The following ANK2 variants were observed in gnomAD, a reference collection of about 807,000 sequenced individuals.
ANK2 encodes ankyrin-2.
A neutral mutation model predicts 360.5 loss-of-function variants in ANK2; 83 were observed. The observed-to-expected ratio is 0.23, with a 90% CI of 0.19 to 0.28. The LOEUF (loss-of-function observed/expected upper bound fraction) is 0.28. Ranked by LOEUF, ANK2 falls within the 10% of genes least tolerant of loss-of-function variation. ANK2 has a pLI of 1.00. For synonymous variants in ANK2, 1,740 were observed against 1,759.5 expected (o/e 0.99, Z 0.28); for missense variants, 4,201 against 4,795.7 (o/e 0.88, Z 3.66).
At chr4:112,804,047 C>G in the ANK2 span, among the ~76,000 whole-genome samples, 1 of 146,910 alleles carries the variant, frequency 6.8e-6, no homozygotes, top group Admixed American at 6.9e-5. Context: ...GAGATGGAGT[C>G]TCGCTCTGTC....
At chr4:112,904,491 C>A in exon 2 of ANK2, 1 of 1,506,422 alleles carries the variant, frequency 6.6e-7, no homozygotes, top group South Asian at 1.3e-5. Flanking sequence ...ATTGGTATTT[C>A]AAATGACCAC....
At chr4:112,839,472 A>G (rs2061651119) in intron 1 of ANK2, among the ~76,000 whole-genome samples, 1 of 152,184 alleles carries the variant, frequency 6.6e-6, no homozygotes, top group Non-Finnish European at 1.5e-5. Flanking sequence ...ATGTAAGGTT[A>G]TTATGAATAT....
At chr4:113,230,847 C>T (rs958270472) in intron 4 of ANK2, among the ~76,000 whole-genome samples, 4 of 152,106 alleles carry the variant, frequency 2.6e-5, no homozygotes, top group Admixed American at 2.0e-4. Flanking sequence ...TCCATTAGGG[C>T]GCATGTGTCT....
upstream of ANK2, among the ~76,000 whole-genome samples, chr4:112,815,088 C>T (rs546411307): frequency 1.3e-5 from 2 of 151,650 alleles, no homozygotes; most frequent in Non-Finnish European, 2.9e-5. Flanking sequence ...TGTTGGCTGG[C>T]CAGGCTGGTC....
chr4:113,187,499 A>G (rs1217796926), intron 2 of ANK2, among the ~76,000 whole-genome samples: 1 of 152,166 alleles, frequency 6.6e-6, no homozygotes. Context: ...TTTCTTATTA[A>G]CCAATTGTGT....
intron 1 of ANK2, among the ~76,000 whole-genome samples, chr4:113,070,945 T>C (rs1389923472): frequency 6.6e-6 from 1 of 151,776 alleles, no homozygotes; most frequent in East Asian, 1.9e-4. Flanking sequence ...CATCATAACA[T>C]CAAATCTTGA....
intron 1 of ANK2, among the ~76,000 whole-genome samples, chr4:113,125,391 T>C (rs2095604107): frequency 6.6e-6 from 1 of 152,132 alleles, no homozygotes; most frequent in African/African-American, 2.4e-5. Context: ...TTTCAAGACA[T>C]TCAGCAGGAT....
intron 23 of ANK2, among the ~76,000 whole-genome samples, chr4:113,308,266 A>G (rs549742317): frequency 2.0e-5 from 3 of 152,298 alleles, no homozygotes; most frequent in Non-Finnish European, 4.4e-5. Flanking sequence ...TAGTCGTGCT[A>G]TTTGCTCATG....
intron 1 of ANK2, among the ~76,000 whole-genome samples, chr4:113,058,040 T>C (rs2154331641): frequency 6.6e-6 from 1 of 152,264 alleles, no homozygotes; most frequent in South Asian, 2.1e-4. Flanking sequence ...CTCCTTTCCA[T>C]TTCCTGGTCT....
chr4:113,066,053 A>G (rs1369860669), intron 1 of ANK2, among the ~76,000 whole-genome samples: 2 of 152,266 alleles, frequency 1.3e-5, no homozygotes, highest in African/African-American at 4.8e-5. Flanking sequence ...TGAAATAAAA[A>G]TATTATGAGG....
chr4:112,764,494 C>T, the ANK2 span, among the ~76,000 whole-genome samples: 5 of 151,700 alleles, frequency 3.3e-5, no homozygotes, highest in East Asian at 9.8e-4. Context: ...CGCCACCAAG[C>T]CTGGCTAATT....
intron 2 of ANK2, among the ~76,000 whole-genome samples, chr4:112,940,478 C>A (rs535730741): frequency 1.8e-4 from 27 of 152,224 alleles, no homozygotes; most frequent in African/African-American, 5.8e-4. Flanking sequence ...CAGAGAAGAT[C>A]TAATTATTTT....
At chr4:112,752,158 G>A in the ANK2 span, among the ~76,000 whole-genome samples, 3 of 152,154 alleles carry the variant, frequency 2.0e-5, no homozygotes, top group Admixed American at 2.0e-4. Flanking sequence ...TGGACACTGT[G>A]TTAGGAGGCT....
intron 1 of ANK2, among the ~76,000 whole-genome samples, chr4:112,877,625 C>A (rs1003982573): frequency 4.6e-5 from 7 of 152,230 alleles, no homozygotes; most frequent in Admixed American, 4.6e-4. Context: ...GTTACTTGTT[C>A]AAAATTATTA....
At position 112,879,917 on chromosome 4, in the gene ANK2, C is replaced by G. The variant is rs1336819001; in HGVS notation, c.-39-24538C>G. 3.3e-5 allele frequency among the ~76,000 whole-genome samples: 5 copies of G among 152,120 alleles called. No homozygotes were observed. The South Asian group carries it at 8.3e-4, about 25-fold the overall frequency. ...GTTTCCCTTGACTTCCATCAATGGT[C>G]TGACATTTCTGAATTCCAGGAATGA... is the stretch of plus-strand genomic sequence containing the variant. On this transcript the variant is annotated intron_variant, in intron 1 of 30. Transcript: ENST00000503271.
chr4:113,178,634 T>C (rs1375206572), intron 2 of ANK2, among the ~76,000 whole-genome samples: 1 of 152,144 alleles, frequency 6.6e-6, no homozygotes, highest in Non-Finnish European at 1.5e-5. Context: ...GTATTTTTAT[T>C]AATACTATTC....
intron 14 of ANK2, among the ~76,000 whole-genome samples, chr4:113,271,598 T>C (rs1027824623): frequency 1.7e-4 from 26 of 152,138 alleles, no homozygotes; most frequent in African/African-American, 5.5e-4. Flanking sequence ...AGCTACTACA[T>C]TGAGCTCCAA....
chr4:113,275,729 A>C (rs1426017574), intron 15 of ANK2, among the ~76,000 whole-genome samples: 1 of 152,048 alleles, frequency 6.6e-6, no homozygotes, highest in African/African-American at 2.4e-5. Flanking sequence ...AAAAAAAAAA[A>C]ACTAAGCAAC....
rs115979646 is a variant in ANK2 at position 112,920,247 on chromosome 4, A to G, written c.21+15733A>G. 6.0e-3 allele frequency among the ~76,000 whole-genome samples: 907 copies of G among 152,344 alleles called. 7 individuals carry two copies. Among genetic ancestry groups the G allele is most frequent in the Middle Eastern group, 0.01 (3 of 294 alleles). ...AGTCAATCTGCATTTGTAATGTTTA[A>G]TGAGAAGACTCAGCTCATTCTTCTT... is the stretch of plus-strand genomic sequence containing the variant. On this transcript the variant is annotated intron_variant, in intron 2 of 30. Transcript: ENST00000503271.
Sources: allele counts gnomAD v4.1 joint callset (sites outside exome capture counted in the v4.1 genomes callset), GRCh38; gene constraint gnomAD v4.1.1; transcripts MANE v1.5; gene names NCBI Gene and HGNC (gene_info 2026-07-23, HGNC 2026-07-21).